OCA2: variants seen among roughly 807,000 people sequenced by gnomAD.
The protein encoded by OCA2 is OCA2 melanosomal transmembrane protein, also known as P protein.
A neutral mutation model predicts 100.2 loss-of-function variants in OCA2; 77 were observed. The ratio of observed to expected loss-of-function variants is 0.77; its 90% CI spans 0.64 to 0.93. The LOEUF (loss-of-function observed/expected upper bound fraction) is 0.93. Ranked by LOEUF, OCA2 falls within the 40% of genes least tolerant of loss-of-function variation. The probability of loss-of-function intolerance (pLI) is 0.00; values close to 1 mark genes in which losing one functional copy is unlikely to be tolerated. For synonymous variants in OCA2, 432 were observed against 439.2 expected, an observed-to-expected ratio of 0.98 and a Z score of 0.21; for missense variants, 1,062 against 1,089.1, an observed-to-expected ratio of 0.98 and a Z score of 0.35.
At chr15:28,048,259 A>T (rs912438193) in intron 2 of OCA2, among the ~76,000 whole-genome samples, 4 of 152,222 alleles carry the variant, frequency 2.6e-5, no homozygotes, top group Non-Finnish European at 5.9e-5. Context: ...CATCAAATTC[A>T]TATGGAACTT....
intron 5 of OCA2, among the ~76,000 whole-genome samples, chr15:28,024,070 A>G (rs1212325138): frequency 6.6e-6 from 1 of 152,208 alleles, no homozygotes; most frequent in African/African-American, 2.4e-5. Flanking sequence ...CAGGCCACAA[A>G]GCACACCAAG....
At chr15:27,936,906 G>T (rs2039474348) in intron 18 of OCA2, among the ~76,000 whole-genome samples, 1 of 152,192 alleles carries the variant, frequency 6.6e-6, no homozygotes, top group Admixed American at 6.5e-5. Flanking sequence ...AAGAGTTGAG[G>T]TTGGAAAGAA....
At chr15:27,768,141 C>G (rs185852135) in intron 23 of OCA2, among the ~76,000 whole-genome samples, 1 of 152,130 alleles carries the variant, frequency 6.6e-6, no homozygotes, top group African/African-American at 2.4e-5. Flanking sequence ...CTGTGAGGTG[C>G]GGCCCCTGCC....
intron 19 of OCA2, among the ~76,000 whole-genome samples, chr15:27,913,285 G>A (rs575483179): frequency 6.6e-6 from 1 of 151,822 alleles, no homozygotes; most frequent in Non-Finnish European, 1.5e-5. Flanking sequence ...GGGTAAATGT[G>A]GACTCTCTAT....
chr15:28,030,535 C>T (rs2042879969), intron 3 of OCA2, among the ~76,000 whole-genome samples: 1 of 152,168 alleles, frequency 6.6e-6, no homozygotes, highest in African/African-American at 2.4e-5. Flanking sequence ...ATGATAAACC[C>T]AGATGGCTGC....
At chr15:28,033,641 G>A (rs983057630) in intron 2 of OCA2, among the ~76,000 whole-genome samples, 11 of 152,254 alleles carry the variant, frequency 7.2e-5, no homozygotes, top group African/African-American at 1.9e-4. Context: ...GAGACTTAAC[G>A]GCCAGTAGAG....
the OCA2 span, among the ~76,000 whole-genome samples, chr15:27,726,910 T>A: frequency 1.3e-5 from 2 of 152,146 alleles, no homozygotes; most frequent in African/African-American, 4.8e-5. Flanking sequence ...CAGTGAAGAG[T>A]GCGCCTCCTG....
Position 27,755,183 on chromosome 15 carries a change from GA to G in OCA2, c.*204del, listed in dbSNP as rs1479476879. On this transcript the variant is annotated 3_prime_UTR_variant, in exon 24 of 24. Transcript: ENST00000354638. ...TCTTTCTACATTTTGTCCTTGGGGA[GA>G]AAGGACACACAGAGGAGGTCATGGT... 2 of 555,420 alleles carry G rather than the reference GA, an allele frequency of 3.6e-6. No individual in the cohort carries two copies. Among genetic ancestry groups the G allele is most frequent in the Non-Finnish European group, 6.6e-6 (2 of 303,404 alleles). The allele number at this position is 555,420 out of a possible 1,614,324, so 34.4% of individuals were successfully genotyped here.
intron 2 of OCA2, among the ~76,000 whole-genome samples, chr15:28,054,204 ATG>A (rs1389838806): frequency 6.7e-6 from 1 of 150,290 alleles, no homozygotes; most frequent in South Asian, 2.1e-4. Flanking sequence ...GCACACATGT[ATG>A]TGTGTATGTA....
At chr15:27,854,308 C>G (rs951961975) in intron 21 of OCA2, among the ~76,000 whole-genome samples, 6 of 152,174 alleles carry the variant, frequency 3.9e-5, no homozygotes, top group African/African-American at 1.4e-4. Context: ...GGAGTCCAGA[C>G]CAGGAAGCTG....
chr15:27,822,806 C>T (rs922303043), intron 23 of OCA2, among the ~76,000 whole-genome samples: 3 of 152,158 alleles, frequency 2.0e-5, no homozygotes, highest in African/African-American at 7.2e-5. Context: ...TACTGGAATA[C>T]ATACTGTAAA....
At chr15:27,791,869 T>A (rs1190928594) in intron 23 of OCA2, among the ~76,000 whole-genome samples, 1 of 152,016 alleles carries the variant, frequency 6.6e-6, no homozygotes, top group East Asian at 1.9e-4. Flanking sequence ...GCAGGAAACA[T>A]TTGCCAATGT....
chr15:28,070,283 C>T lies in OCA2; in HGVS notation c.227+11365G>A, dbSNP rs1223973755. Among the ~76,000 whole-genome samples the T allele has an allele frequency of 2.8e-4, 40 of 142,484 alleles. No homozygotes were observed. In the East Asian group the frequency reaches 7.5e-3, roughly 27 times the overall value. The allele number at this position is 142,484 out of a possible 152,430, so 93.5% of individuals were successfully genotyped here. A position where few individuals can be genotyped will look rare whatever the true frequency, so the allele number is the denominator to read the frequency against. ...CTGGGAAGTGAGGAGCGTCTCCGCC[C>T]GGCAGCCACCCCGTCCGGGAGGGAG... On this transcript the variant is annotated intron_variant, in intron 2 of 23. Coordinates refer to ENST00000354638, the MANE Select transcript of OCA2 (RefSeq NM_000275.3).
intron 23 of OCA2, among the ~76,000 whole-genome samples, chr15:27,794,334 A>C (rs958426425): frequency 6.6e-6 from 1 of 152,138 alleles, no homozygotes; most frequent in Non-Finnish European, 1.5e-5. Context: ...TGCATGGAAG[A>C]GTGCGCTCAG....
chr15:27,852,637 C>T (rs1208531216), intron 21 of OCA2, among the ~76,000 whole-genome samples: 3 of 151,694 alleles, frequency 2.0e-5, no homozygotes, highest in African/African-American at 4.8e-5. Context: ...GAACAGGCAA[C>T]CTACAAAATG....
intron 23 of OCA2, among the ~76,000 whole-genome samples, chr15:27,801,327 G>A (rs1406075643): frequency 1.3e-5 from 2 of 152,106 alleles, no homozygotes; most frequent in African/African-American, 4.8e-5. Context: ...GCCAAGGTGG[G>A]CAGATCACGA....
rs115833622 is a variant in OCA2, at chr15:27,842,942, G to T, written c.2432+2017C>A. Among the ~76,000 whole-genome samples the T allele has an allele frequency of 5.2e-3, 785 of 152,314 alleles. 13 individuals are homozygous for T. The highest frequency in any genetic ancestry group is 0.018 in the African/African-American group (740 of 41,562). On this transcript the variant is annotated intron_variant, in intron 23 of 23. Coordinates refer to ENST00000354638, the MANE Select transcript of OCA2 (RefSeq NM_000275.3). ...GAGCTGAACCTCAGGCACTTTACAT[G>T]TCCCAGGTGGAGTGGACGCAAACCC... is the stretch of plus-strand genomic sequence containing the variant.
intron 14 of OCA2, among the ~76,000 whole-genome samples, chr15:27,982,590 G>A (rs2041204489): frequency 6.6e-6 from 1 of 152,128 alleles, no homozygotes; most frequent in African/African-American, 2.4e-5. Flanking sequence ...TAACACCCTG[G>A]AGCCATGGAT....
downstream of OCA2, among the ~76,000 whole-genome samples, chr15:27,751,855 G>C (rs763648940): frequency 2.0e-5 from 3 of 152,244 alleles, no homozygotes; most frequent in Non-Finnish European, 4.4e-5. Flanking sequence ...ACTGGGCCTT[G>C]GTGCAGGTTG....
Sources: allele counts gnomAD v4.1 joint callset (sites outside exome capture counted in the v4.1 genomes callset), GRCh38; gene constraint gnomAD v4.1.1; transcripts MANE v1.5; gene names NCBI Gene and HGNC (gene_info 2026-07-23, HGNC 2026-07-21).